Variants in POFUT3 observed in about 807,000 individuals in gnomAD.
The protein encoded by POFUT3 is GDP-fucose protein O-fucosyltransferase 3.
At chr8:33,389,357 T>C in the POFUT3 span, 4 of 1,614,216 alleles carry the variant, frequency 2.5e-6, no homozygotes, top group Non-Finnish European at 2.5e-6. Context: ...AAACTTATAC[T>C]GTGCAATGAT....
the POFUT3 span, chr8:33,389,839 G>C: frequency 7.0e-7 from 1 of 1,418,892 alleles, no homozygotes; most frequent in Non-Finnish European, 9.9e-7. Flanking sequence ...ATTTCCAAAA[G>C]ATGTTGCTAA....
At chr8:33,449,935 CTTT>C in the POFUT3 span, among the ~76,000 whole-genome samples, 7 of 112,326 alleles carry the variant, frequency 6.2e-5, no homozygotes, top group Admixed American at 2.2e-4. Context: ...TGAAGCTTTT[CTTT>C]TTTTTTTTTT....
chr8:33,399,765 C>T, the POFUT3 span, among the ~76,000 whole-genome samples: 1 of 152,044 alleles, frequency 6.6e-6, no homozygotes, highest in African/African-American at 2.4e-5. Context: ...GCACTCCTCC[C>T]ACCTCAGCCT....
chr8:33,361,835 GA>G, the POFUT3 span, among the ~76,000 whole-genome samples: 1 of 151,830 alleles, frequency 6.6e-6, no homozygotes, highest in South Asian at 2.1e-4. Flanking sequence ...TTTCCCAATT[GA>G]AAAACCAAGA....
the POFUT3 span, among the ~76,000 whole-genome samples, chr8:33,407,299 C>T: frequency 6.6e-6 from 1 of 152,132 alleles, no homozygotes; most frequent in Non-Finnish European, 1.5e-5. Context: ...CCTGATAGAA[C>T]AATGCCTTCT....
the POFUT3 span, chr8:33,461,518 G>A: frequency 6.2e-7 from 1 of 1,609,902 alleles, no homozygotes; most frequent in Non-Finnish European, 8.5e-7. Flanking sequence ...CGTCAGCCCA[G>A]AGCCCGAGAC....
At chr8:33,420,222 AATG>A in the POFUT3 span, among the ~76,000 whole-genome samples, 4 of 152,230 alleles carry the variant, frequency 2.6e-5, no homozygotes, top group Non-Finnish European at 5.9e-5. Flanking sequence ...AAATAAAATT[AATG>A]ATAAGTAATT....
the POFUT3 span, among the ~76,000 whole-genome samples, chr8:33,430,758 G>A: frequency 2.3e-4 from 35 of 152,190 alleles, no homozygotes; most frequent in African/African-American, 7.9e-4. Context: ...ACAGGCATGC[G>A]CCACCATGCT....
chr8:33,439,523 A>C, the POFUT3 span, among the ~76,000 whole-genome samples: 1 of 152,060 alleles, frequency 6.6e-6, no homozygotes, highest in Non-Finnish European at 1.5e-5. Flanking sequence ...AAATCAGATC[A>C]TATCACCCCT....
the POFUT3 span, among the ~76,000 whole-genome samples, chr8:33,421,332 T>C: frequency 1.3e-5 from 2 of 152,204 alleles, no homozygotes; most frequent in Admixed American, 6.5e-5. Flanking sequence ...GGGACAAGCA[T>C]CTTGAATTTC....
the POFUT3 span, among the ~76,000 whole-genome samples, chr8:33,376,960 G>T: frequency 1.3e-5 from 2 of 152,166 alleles, no homozygotes; most frequent in Non-Finnish European, 1.5e-5. Flanking sequence ...ATAAAGGCCG[G>T]GCACATTGGC....
the POFUT3 span, among the ~76,000 whole-genome samples, chr8:33,342,361 CA>C: frequency 2.0e-5 from 3 of 147,404 alleles, no homozygotes; most frequent in Admixed American, 2.0e-4. Context: ...TGTCCCCCCA[CA>C]AAAAAAGAAA....
the POFUT3 span, among the ~76,000 whole-genome samples, chr8:33,334,596 T>C: frequency 6.6e-6 from 1 of 152,206 alleles, no homozygotes; most frequent in African/African-American, 2.4e-5. Context: ...TCCCAGGTAA[T>C]ACCTATGATG....
chr8:33,446,184 C>T, the POFUT3 span, among the ~76,000 whole-genome samples: 1 of 152,004 alleles, frequency 6.6e-6, no homozygotes, highest in Non-Finnish European at 1.5e-5. Flanking sequence ...TGGCCAGGTG[C>T]GGTAGCTCAT....
chr8:33,345,042 A>G, the POFUT3 span, among the ~76,000 whole-genome samples: 1 of 152,236 alleles, frequency 6.6e-6, no homozygotes, highest in African/African-American at 2.4e-5. Context: ...AGACGGTGAT[A>G]TAGCCAACAG....
At chr8:33,460,846 C>A in the POFUT3 span, 1 of 592,226 alleles carries the variant, frequency 1.7e-6, no homozygotes, top group Non-Finnish European at 2.1e-6. Context: ...GAGGTATTTT[C>A]TCCCAGTAGA....
the POFUT3 span, among the ~76,000 whole-genome samples, chr8:33,404,366 A>G: frequency 6.6e-6 from 1 of 151,954 alleles, no homozygotes; most frequent in East Asian, 1.9e-4. Flanking sequence ...AAAGAAAAAG[A>G]AAATTCGGGT....
At chr8:33,378,599 T>C in the POFUT3 span, among the ~76,000 whole-genome samples, 10 of 152,004 alleles carry the variant, frequency 6.6e-5, no homozygotes. Context: ...CCAACATAAG[T>C]TTACTGCTAA....
chr8:33,367,146 C>T, the POFUT3 span, among the ~76,000 whole-genome samples: 3 of 152,172 alleles, frequency 2.0e-5, no homozygotes, highest in East Asian at 3.9e-4. Context: ...ATAAACTGGC[C>T]GCAAAACTGG....
Sources: allele counts gnomAD v4.1 joint callset (sites outside exome capture counted in the v4.1 genomes callset), GRCh38; gene constraint gnomAD v4.1.1; transcripts MANE v1.5; gene names NCBI Gene and HGNC (gene_info 2026-07-23, HGNC 2026-07-21).